The following COMMD6 variants were observed in gnomAD, a reference collection of about 807,000 sequenced individuals.
COMMD6 encodes COMM domain-containing protein 6.
In COMMD6, 11 loss-of-function variants were observed where a neutral mutation model predicts 13.4. The observed-to-expected ratio is 0.82, with a 90% CI of 0.52 to 1.36. The LOEUF is 1.36. COMMD6 is among the 40% of genes most tolerant of loss of function. The pLI, the probability that COMMD6 is intolerant of heterozygous loss-of-function variation, is 0.00. For missense variants in COMMD6, 124 were observed against 102.4 expected (o/e 1.21, Z -0.91); for synonymous variants, 43 against 36.5 (o/e 1.18, Z -0.64).
Position 75,533,428 on chromosome 13 carries a change from T to C in COMMD6, c.55-3162A>G, listed in dbSNP as rs561027102. Among the ~76,000 whole-genome samples the C allele has an allele frequency of 5.9e-5, 9 of 151,272 alleles. No homozygotes were observed. In the South Asian group the frequency reaches 8.4e-4, roughly 14 times the overall value. Reference sequence around the variant, plus strand: ...TACAAAAGTACAAAAAGTAGCCAGGTGTGGTAGGGCATGCCTTTAAGTCCC... The same window carrying C: ...TACAAAAGTACAAAAAGTAGCCAGGCGTGGTAGGGCATGCCTTTAAGTCCC... On this transcript the variant is annotated intron_variant, in intron 2 of 3. Transcript: ENST00000682242.
At chr13:75,546,484 T>G (rs1490454116) in intron 1 of COMMD6, among the ~76,000 whole-genome samples, 1 of 152,232 alleles carries the variant, frequency 6.6e-6, no homozygotes, top group Non-Finnish European at 1.5e-5. Flanking sequence ...GAGTCACAAG[T>G]ACTCTTGTTA....
At chr13:75,535,312 T>C (rs2030627484) in intron 2 of COMMD6, among the ~76,000 whole-genome samples, 2 of 152,190 alleles carry the variant, frequency 1.3e-5, no homozygotes, top group Admixed American at 6.5e-5. Context: ...CTACGACTTT[T>C]TTCCAGTGTG....
chr13:75,544,848 C>T (rs531585213), intron 1 of COMMD6, among the ~76,000 whole-genome samples: 2 of 147,150 alleles, frequency 1.4e-5, no homozygotes, highest in Non-Finnish European at 3.0e-5. Context: ...ATTGCTTGAA[C>T]CTGGGAGGCG....
At chr13:75,543,862 T>G (rs1052470273) in intron 1 of COMMD6, among the ~76,000 whole-genome samples, 1 of 152,218 alleles carries the variant, frequency 6.6e-6, no homozygotes, top group Non-Finnish European at 1.5e-5. Context: ...GATCATACAT[T>G]ATCTCTATTT....
At chr13:75,538,153 C>G (rs2138425988), upstream of COMMD6, among the ~76,000 whole-genome samples, 1 of 152,360 alleles carries the variant, frequency 6.6e-6, no homozygotes, top group East Asian at 1.9e-4. Flanking sequence ...CGCGGCTCCT[C>G]AATCCCAACC....
chr13:75,544,929 A>AAAAAAC (rs2030881832), intron 1 of COMMD6, among the ~76,000 whole-genome samples: 1 of 149,362 alleles, frequency 6.7e-6, no homozygotes. Flanking sequence ...CTGTCTCCAA[A>AAAAAAC]AAAAAAAAAA....
At chr13:75,542,166 T>C (rs1268706642), upstream of COMMD6, among the ~76,000 whole-genome samples, 1 of 152,234 alleles carries the variant, frequency 6.6e-6, no homozygotes, top group African/African-American at 2.4e-5. Flanking sequence ...GCAATGGCCT[T>C]TGTGCAAGGT....
chr13:75,537,998 A>AAT (rs1396690188), upstream of COMMD6: 2 of 481,816 alleles, frequency 4.2e-6, no homozygotes, highest in African/African-American at 3.9e-5. Flanking sequence ...GCTAAAAGAA[A>AAT]ATTATTTTAT....
chr13:75,538,574 T>C (rs116553080), upstream of COMMD6, among the ~76,000 whole-genome samples: 559 of 152,362 alleles, frequency 3.7e-3, 6 homozygotes, highest in African/African-American at 0.013. Flanking sequence ...AGGATGATAC[T>C]TCACTCCTAA....
upstream of COMMD6, among the ~76,000 whole-genome samples, chr13:75,542,931 C>T (rs1195059676): frequency 2.0e-5 from 3 of 152,196 alleles, no homozygotes; most frequent in Non-Finnish European, 4.4e-5. Flanking sequence ...ATGGAATCAA[C>T]CTAGATGCCC....
At chr13:75,545,575 C>A (rs1002435345) in intron 1 of COMMD6, among the ~76,000 whole-genome samples, 1 of 151,968 alleles carries the variant, frequency 6.6e-6, no homozygotes, top group Admixed American at 6.6e-5. Context: ...TCGGTTCACA[C>A]CATTCTCCTG....
upstream of COMMD6, among the ~76,000 whole-genome samples, chr13:75,542,725 A>C (rs923092318): frequency 3.9e-5 from 6 of 152,238 alleles, no homozygotes; most frequent in African/African-American, 1.4e-4. Context: ...AGATGAGTCC[A>C]GTGTATTCAC....
At chr13:75,537,622 G>C in intron 2 of COMMD6, 42 bp downstream of exon 2, 1 of 1,613,510 alleles carries the variant, frequency 6.2e-7, no homozygotes, top group Non-Finnish European at 8.5e-7. Context: ...GGCCGTGGGA[G>C]GCAGGCTGGC....
chr13:75,548,253 T>C (rs1277375407), intron 1 of COMMD6, among the ~76,000 whole-genome samples: 1 of 152,226 alleles, frequency 6.6e-6, no homozygotes, highest in Non-Finnish European at 1.5e-5. Context: ...AGCTGGACAC[T>C]GCCAGTTTTA....
rs1354185995 is a variant in COMMD6, at chr13:75,525,431, G to C, written c.*1158C>G. 1 of 152,224 alleles carries C rather than the reference G, an allele frequency of 6.6e-6. No homozygotes were observed. Among genetic ancestry groups the C allele is most frequent in the African/African-American group, 2.4e-5 (1 of 41,448 alleles). 9.4% of individuals were successfully genotyped at this position (152,224 alleles called of 1,614,324 possible). A position where few individuals can be genotyped will look rare whatever the true frequency, so the allele number is the denominator to read the frequency against. ...TTGCTGTTTTAACCCAGATAGAGGG[G>C]TTTCTACTCTTATTTCTAGGAACAC... is the stretch of plus-strand genomic sequence containing the variant. On this transcript the variant is annotated 3_prime_UTR_variant, in exon 4 of 4. Transcript: ENST00000682242.
upstream of COMMD6, among the ~76,000 whole-genome samples, chr13:75,539,088 A>T (rs1463854465): frequency 1.3e-5 from 2 of 151,858 alleles, no homozygotes; most frequent in African/African-American, 4.8e-5. Context: ...TCACACTTTA[A>T]ATCTCTCTGA....
intron 3 of COMMD6, among the ~76,000 whole-genome samples, chr13:75,528,047 T>A (rs2030330855): frequency 7.0e-6 from 1 of 143,788 alleles, no homozygotes; most frequent in African/African-American, 2.6e-5. Context: ...ATGCACACAC[T>A]CTCTCCAAAA....
At chr13:75,542,354 T>C (rs1432603861), upstream of COMMD6, among the ~76,000 whole-genome samples, 1 of 151,460 alleles carries the variant, frequency 6.6e-6, no homozygotes, top group Admixed American at 6.6e-5. Flanking sequence ...CAATGGTGCG[T>C]TCTCAGCTTA....
chr13:75,533,425 A>G (rs1187642560), intron 2 of COMMD6, among the ~76,000 whole-genome samples: 5 of 151,974 alleles, frequency 3.3e-5, no homozygotes, highest in Non-Finnish European at 7.4e-5. Context: ...AAAAGTAGCC[A>G]GGTGTGGTAG....
Sources: gnomAD v4.1 joint callset for allele counts (sites outside exome capture counted in the v4.1 genomes callset) on GRCh38, gnomAD v4.1.1 for gene constraint, MANE v1.5 for transcripts, NCBI Gene and HGNC (gene_info 2026-07-23, HGNC 2026-07-21) for gene names.